Variants in ORC2 observed in about 807,000 individuals in gnomAD.
ORC2 encodes the protein origin recognition complex protein 2 homolog.
Under a neutral mutation model 77.7 loss-of-function variants are expected in ORC2, and 37 were observed. The ratio of observed to expected loss-of-function variants is 0.48; its 90% confidence interval spans 0.37 to 0.63. The LOEUF (loss-of-function observed/expected upper bound fraction) is 0.63, where lower values mean the gene tolerates loss of function less well. Among genes scored for constraint, ORC2 ranks in the 20% least tolerant of loss-of-function variants. The probability of loss-of-function intolerance (pLI) is 0.00; values close to 1 mark genes in which losing one functional copy is unlikely to be tolerated. For synonymous variants in ORC2, 201 were observed against 229.5 expected (o/e 0.88, Z 1.12); for missense variants, 557 against 661.9 (o/e 0.84, Z 1.74).
At chr2:200,931,574 G>C (rs2040941774) in intron 10 of ORC2, 126 bp from the exon 11 acceptor site, 1 of 495,264 alleles carries the variant, frequency 2.0e-6, no homozygotes, top group African/African-American at 2.0e-5. Flanking sequence ...CTTTAATCTG[G>C]TTTGGCAATG....
At chr2:200,955,214 T>A (rs2041446303) in intron 4 of ORC2, among the ~76,000 whole-genome samples, 1 of 152,220 alleles carries the variant, frequency 6.6e-6, no homozygotes, top group Non-Finnish European at 1.5e-5. Flanking sequence ...CTGTTATCAA[T>A]CTCTTCTTAG....
intron 15 of ORC2, 126 bp downstream of exon 15, chr2:200,920,096 C>A: frequency 1.5e-6 from 1 of 651,270 alleles, no homozygotes. Flanking sequence ...GTACTGGTAA[C>A]TATTATTACT....
intron 8 of ORC2, among the ~76,000 whole-genome samples, chr2:200,937,326 C>A (rs2124991506): frequency 6.6e-6 from 1 of 152,222 alleles, no homozygotes; most frequent in East Asian, 1.9e-4. Flanking sequence ...TTTAGCATTA[C>A]CAATTTTATG....
intron 2 of ORC2, 150 bp from the exon 3 acceptor site, chr2:200,958,283 C>T (rs1352720508): frequency 2.0e-6 from 1 of 491,624 alleles, no homozygotes. Flanking sequence ...TGTATTACTA[C>T]ATATTCAACT....
At position 200,909,907 on chromosome 2, in the gene ORC2, A is replaced by G. The variant is rs915212085; in HGVS notation, c.*1394T>C. ...CTCCACAGCAGCTAGGACTATAGGCATGGGCCACCATGCCCGGATGATTTT... is the reference window on the plus strand; with the variant it reads ...CTCCACAGCAGCTAGGACTATAGGCGTGGGCCACCATGCCCGGATGATTTT... On this transcript the variant is annotated 3_prime_UTR_variant, in exon 18 of 18. Coordinates refer to ENST00000234296, the MANE Select transcript of ORC2 (RefSeq NM_006190.5). The G allele has an allele frequency of 3.3e-5, 5 of 152,084 alleles. No individual in the cohort carries two copies. The highest frequency in any genetic ancestry group is 1.2e-4 in the African/African-American group (5 of 41,412). 9.4% of individuals were successfully genotyped at this position (152,084 alleles called of 1,614,324 possible). A position where few individuals can be genotyped will look rare whatever the true frequency, so the allele number is the denominator to read the frequency against.
chr2:200,942,655 T>C, intron 6 of ORC2, 30 bp downstream of exon 6: 1 of 1,233,284 alleles, frequency 8.1e-7, no homozygotes. Flanking sequence ...CTATGAAAAT[T>C]CTTTTCAAAG....
In ORC2 at chr2:200,941,291, A is replaced by C. The variant is rs2041147222; in HGVS notation, c.422-12T>G. The C allele has an allele frequency of 6.2e-7, 1 of 1,607,268 alleles. No individual in the cohort carries two copies. Among genetic ancestry groups the C allele is most frequent in the Non-Finnish European group, 8.5e-7 (1 of 1,175,156 alleles). On this transcript the variant is annotated splice_polypyrimidine_tract_variant and intron_variant, in intron 6 of 17. Coordinates refer to ENST00000234296, the MANE Select transcript of ORC2 (RefSeq NM_006190.5). ...TGAAGCAGAATGGCCTAAAGAATGA[A>C]ACAAAAAGCCATGACTTACTACGGA...
intron 16 of ORC2, 152 bp downstream of exon 16, chr2:200,913,779 T>G: frequency 7.1e-7 from 1 of 1,410,010 alleles, no homozygotes; most frequent in South Asian, 1.7e-5. Context: ...GTAGAGCTGC[T>G]TGAAAATTTG....
rs2040522624 is a variant in ORC2, at chr2:200,909,935, A to T, written c.*1366T>A. On this transcript the variant is annotated 3_prime_UTR_variant, in exon 18 of 18. Transcript: ENST00000234296. ...GGCCACCATGCCCGGATGATTTTTT[A>T]AATTTTTTGTAGAGACAAGGTCTCA... The T allele has an allele frequency of 6.6e-6, 1 of 151,960 alleles. No homozygotes were observed. The highest frequency in any genetic ancestry group is 1.5e-5 in the Non-Finnish European group (1 of 67,994). The allele number at this position is 151,960 out of a possible 1,614,324, so 9.4% of individuals were successfully genotyped here. A position where few individuals can be genotyped will look rare whatever the true frequency, so the allele number is the denominator to read the frequency against.
intron 6 of ORC2, among the ~76,000 whole-genome samples, chr2:200,942,102 C>A (rs1054657668): frequency 5.3e-5 from 8 of 151,854 alleles, no homozygotes; most frequent in African/African-American, 1.7e-4. Flanking sequence ...ATCACTTGAG[C>A]CCAGGAATTC....
chr2:200,929,015 C>T (rs1225670821), intron 11 of ORC2, among the ~76,000 whole-genome samples: 2 of 151,926 alleles, frequency 1.3e-5, no homozygotes, highest in African/African-American at 2.4e-5. Context: ...GGCTGGAGTG[C>T]AGTGGTGCGA....
At chr2:200,924,629 T>C (rs1482958475) in intron 13 of ORC2, among the ~76,000 whole-genome samples, 1 of 152,218 alleles carries the variant, frequency 6.6e-6, no homozygotes, top group Non-Finnish European at 1.5e-5. Flanking sequence ...TTAGAGACTA[T>C]ATAATACTAT....
intron 5 of ORC2, among the ~76,000 whole-genome samples, chr2:200,948,720 G>A (rs1054018814): frequency 4.0e-5 from 6 of 151,824 alleles, no homozygotes; most frequent in African/African-American, 7.3e-5. Context: ...GTGCCACCAC[G>A]CCTGGCTCAT....
At position 200,933,867 on chromosome 2, in the gene ORC2, G is replaced by T; in HGVS notation, c.807+9C>A. On this transcript the variant is annotated intron_variant, in intron 10 of 17. Transcript: ENST00000234296. ...AAAAAATTTAGAAGTAACATTCCTT[G>T]TAACATACCTGATCCAGTTTAGCTC... The T allele has an allele frequency of 1.3e-6, 2 of 1,543,388 alleles. No individual in the cohort carries two copies. The highest frequency in any genetic ancestry group is 1.4e-5 in the African/African-American group (1 of 72,700).
intron 4 of ORC2, 103 bp downstream of exon 4, chr2:200,957,298 A>T: frequency 2.7e-6 from 2 of 748,318 alleles, no homozygotes; most frequent in East Asian, 5.7e-5. Flanking sequence ...AAACATGATC[A>T]TATAGAACAC....
At chr2:200,931,663 T>C (rs1265416352) in intron 10 of ORC2, among the ~76,000 whole-genome samples, 1 of 152,178 alleles carries the variant, frequency 6.6e-6, no homozygotes, top group Non-Finnish European at 1.5e-5. Flanking sequence ...TTTTTAGTAA[T>C]AACAGTAAAG....
intron 11 of ORC2, 118 bp from the exon 12 acceptor site, chr2:200,927,018 C>G: frequency 9.4e-7 from 1 of 1,063,260 alleles, no homozygotes; most frequent in Non-Finnish European, 1.4e-6. Context: ...GGTAGGCGCA[C>G]TGGCTCAAGC....
intron 3 of ORC2, 123 bp downstream of exon 3, chr2:200,957,906 GT>G: frequency 3.6e-6 from 2 of 562,288 alleles, no homozygotes. Flanking sequence ...TTTTTATTTA[GT>G]TTTACTAACC....
intron 9 of ORC2, among the ~76,000 whole-genome samples, chr2:200,935,405 G>A (rs1242955651): frequency 1.3e-5 from 2 of 152,230 alleles, no homozygotes; most frequent in African/African-American, 2.4e-5. Flanking sequence ...TTACAGGCAT[G>A]AGCCACTGTG....
Sources: allele counts gnomAD v4.1 joint callset (sites outside exome capture counted in the v4.1 genomes callset), GRCh38; gene constraint gnomAD v4.1.1; transcripts MANE v1.5; gene names NCBI Gene and HGNC (gene_info 2026-07-23, HGNC 2026-07-21).